The following CNTN4 variants were observed in gnomAD, a reference collection of about 807,000 sequenced individuals.
CNTN4 encodes the protein contactin 4.
Under a neutral mutation model 122.5 loss-of-function variants are expected in CNTN4, and 77 were observed. That is an observed-to-expected ratio of 0.63 (90% CI 0.52 to 0.76). The LOEUF (loss-of-function observed/expected upper bound fraction) is 0.76. Among genes scored for constraint, CNTN4 ranks in the 30% least tolerant of loss-of-function variants. The pLI is 0.00. For missense variants in CNTN4, 1,256 were observed against 1,259.1 expected, an observed-to-expected ratio of 1.00 and a Z score of 0.04; for synonymous variants, 512 against 447.0, an observed-to-expected ratio of 1.15 and a Z score of -1.83.
At chr3:2,594,662 G>A (rs981274159) in intron 4 of CNTN4, among the ~76,000 whole-genome samples, 1 of 150,974 alleles carries the variant, frequency 6.6e-6, no homozygotes, top group Non-Finnish European at 1.5e-5. Flanking sequence ...CCTCAGAATC[G>A]GCCAGCCTTG....
intron 3 of CNTN4, among the ~76,000 whole-genome samples, chr3:2,567,265 T>G (rs1246819089): frequency 3.9e-5 from 6 of 151,984 alleles, no homozygotes; most frequent in African/African-American, 1.4e-4. Context: ...TTTTTCTATT[T>G]TTAGTAGAGA....
chr3:2,741,502 C>T (rs1559452940), intron 5 of CNTN4, among the ~76,000 whole-genome samples: 1 of 152,114 alleles, frequency 6.6e-6, no homozygotes, highest in South Asian at 2.1e-4. Flanking sequence ...AGCAGAAGGC[C>T]GCTGTTCATA....
chr3:2,787,843 G>A (rs1259724690), intron 6 of CNTN4, among the ~76,000 whole-genome samples: 1 of 149,300 alleles, frequency 6.7e-6, no homozygotes, highest in Admixed American at 6.7e-5. Flanking sequence ...AGGCTAGAGT[G>A]CAGTGGTGCG....
intron 13 of CNTN4, among the ~76,000 whole-genome samples, chr3:2,942,903 C>T (rs984461986): frequency 3.3e-5 from 5 of 152,102 alleles, no homozygotes; most frequent in Middle Eastern, 3.2e-3. Flanking sequence ...GCAAAAACTT[C>T]GGAAAGCTTT....
At chr3:2,111,023 G>C (rs1262525028) in intron 2 of CNTN4, among the ~76,000 whole-genome samples, 1 of 152,120 alleles carries the variant, frequency 6.6e-6, no homozygotes, top group Non-Finnish European at 1.5e-5. Flanking sequence ...AATACAGCAT[G>C]ATCTTTATGG....
chr3:2,380,011 C>T (rs1429979988), intron 3 of CNTN4, among the ~76,000 whole-genome samples: 1 of 146,340 alleles, frequency 6.8e-6, no homozygotes, highest in Non-Finnish European at 1.5e-5. Context: ...GAGCTGAGAT[C>T]GCACCATTGC....
At chr3:2,585,534 T>TCA (rs2080153544) in intron 4 of CNTN4, among the ~76,000 whole-genome samples, 1 of 152,078 alleles carries the variant, frequency 6.6e-6, no homozygotes, top group Non-Finnish European at 1.5e-5. Flanking sequence ...TTCATGTCCT[T>TCA]TGTAGGGACA....
chr3:2,206,545 GA>G (rs2038351320), intron 2 of CNTN4, among the ~76,000 whole-genome samples: 1 of 151,956 alleles, frequency 6.6e-6, no homozygotes, highest in East Asian at 1.9e-4. Context: ...GTTTTTCTTT[GA>G]ACAATATTTG....
chr3:2,291,826 C>G (rs1379138190), intron 2 of CNTN4, among the ~76,000 whole-genome samples: 1 of 152,048 alleles, frequency 6.6e-6, no homozygotes, highest in African/African-American at 2.4e-5. Context: ...CTCCGCCTCC[C>G]AGGTTGAAGA....
At chr3:2,145,488 T>C (rs1429956395) in intron 2 of CNTN4, among the ~76,000 whole-genome samples, 2 of 152,156 alleles carry the variant, frequency 1.3e-5, no homozygotes, top group Non-Finnish European at 2.9e-5. Context: ...CATAATAGTG[T>C]GGCAAGGTGA....
At chr3:2,444,444 A>T (rs1023343130) in intron 3 of CNTN4, among the ~76,000 whole-genome samples, 4 of 152,116 alleles carry the variant, frequency 2.6e-5, no homozygotes, top group African/African-American at 9.7e-5. Context: ...CTTCAGGCAG[A>T]AGGGGCAGCC....
At chr3:2,344,030 A>AATTT (rs1291987874) in intron 3 of CNTN4, among the ~76,000 whole-genome samples, 1 of 152,108 alleles carries the variant, frequency 6.6e-6, no homozygotes, top group African/African-American at 2.4e-5. Context: ...ATACAGCAGG[A>AATTT]ATTTACTCAT....
chr3:2,907,445 T>C (rs868413650), intron 12 of CNTN4, among the ~76,000 whole-genome samples: 2 of 152,018 alleles, frequency 1.3e-5, no homozygotes, highest in African/African-American at 2.4e-5. Flanking sequence ...TGGTGGTGCA[T>C]GCTTGTCGTC....
intron 3 of CNTN4, among the ~76,000 whole-genome samples, chr3:2,427,050 G>GT (rs1160306881): frequency 6.6e-6 from 1 of 152,124 alleles, no homozygotes; most frequent in East Asian, 1.9e-4. Context: ...TTTTTGAAGG[G>GT]TTTTTTGTGT....
intron 10 of CNTN4, among the ~76,000 whole-genome samples, chr3:2,892,675 A>G (rs996316598): frequency 2.0e-5 from 3 of 152,206 alleles, no homozygotes; most frequent in African/African-American, 7.2e-5. Context: ...CAAGAGCCTG[A>G]TATTTAATAT....
chr3:2,976,963 G>T (rs1270459939), intron 13 of CNTN4, among the ~76,000 whole-genome samples: 2 of 152,014 alleles, frequency 1.3e-5, no homozygotes, highest in Non-Finnish European at 1.5e-5. Context: ...AATCTGCCAG[G>T]CTTTTCTAAT....
chr3:2,529,017 A>G (rs960278195), intron 3 of CNTN4, among the ~76,000 whole-genome samples: 2 of 152,024 alleles, frequency 1.3e-5, no homozygotes, highest in Non-Finnish European at 2.9e-5. Flanking sequence ...TAGCTATGGT[A>G]CTCGTACAGT....
chr3:2,280,887 C>T (rs976854833), intron 2 of CNTN4, among the ~76,000 whole-genome samples: 9 of 152,276 alleles, frequency 5.9e-5, no homozygotes, highest in Admixed American at 3.3e-4. Flanking sequence ...GGGGAATGCA[C>T]GTCACACTGG....
chr3:2,923,630 CT>C (rs1157322377), intron 12 of CNTN4, among the ~76,000 whole-genome samples: 1 of 152,214 alleles, frequency 6.6e-6, no homozygotes, highest in Non-Finnish European at 1.5e-5. Flanking sequence ...AATTCTCAAT[CT>C]TTCTGCAATT....
Sources: allele counts gnomAD v4.1 joint callset (sites outside exome capture counted in the v4.1 genomes callset), GRCh38; gene constraint gnomAD v4.1.1; transcripts MANE v1.5; gene names NCBI Gene and HGNC (gene_info 2026-07-23, HGNC 2026-07-21).